Variants in CDKAL1 observed in about 807,000 individuals in gnomAD.
CDKAL1 encodes the protein CDKAL1 threonylcarbamoyladenosine tRNA methylthiotransferase.
CDKAL1 carries 32 observed loss-of-function variants against 68.2 expected under a neutral mutation model. That is an observed-to-expected ratio of 0.47 (90% confidence interval 0.35 to 0.63). The LOEUF (loss-of-function observed/expected upper bound fraction) is 0.63. Among genes scored for constraint, CDKAL1 ranks in the 30% least tolerant of loss-of-function variants. The pLI, the probability that CDKAL1 is intolerant of heterozygous loss-of-function variation, is 0.00. For missense variants in CDKAL1, 606 were observed against 696.7 expected, an observed-to-expected ratio of 0.87 and a Z score of 1.47; for synonymous variants, 234 against 244.3, an observed-to-expected ratio of 0.96 and a Z score of 0.39.
At chr6:20,799,415 A>G (rs1776273671) in intron 8 of CDKAL1, among the ~76,000 whole-genome samples, 1 of 152,248 alleles carries the variant, frequency 6.6e-6, no homozygotes, top group East Asian at 1.9e-4. Flanking sequence ...ACCCTCAGTA[A>G]TGAATGGAAT....
chr6:20,953,381 A>G (rs1581904203), intron 9 of CDKAL1, among the ~76,000 whole-genome samples: 1 of 152,238 alleles, frequency 6.6e-6, no homozygotes, highest in Non-Finnish European at 1.5e-5. Context: ...AAGGCATAAC[A>G]TGGAACCATT....
At chr6:20,632,804 T>A (rs1248886482) in intron 4 of CDKAL1, among the ~76,000 whole-genome samples, 2 of 152,248 alleles carry the variant, frequency 1.3e-5, no homozygotes, top group African/African-American at 4.8e-5. Context: ...GGACTATTTA[T>A]TTTTGAATCG....
At chr6:20,836,275 A>G (rs1160185257) in intron 8 of CDKAL1, among the ~76,000 whole-genome samples, 1 of 152,226 alleles carries the variant, frequency 6.6e-6, no homozygotes, top group East Asian at 1.9e-4. Flanking sequence ...AGTTCCAGCC[A>G]TCATATTACC....
At chr6:20,692,998 C>T (rs750266411) in intron 5 of CDKAL1, among the ~76,000 whole-genome samples, 2 of 151,776 alleles carry the variant, frequency 1.3e-5, no homozygotes, top group Non-Finnish European at 2.9e-5. Context: ...GGCATGGTGG[C>T]AGGTGCCAAT....
At position 20,539,461 on chromosome 6, in the gene CDKAL1, G is replaced by A. The variant is rs920410211; in HGVS notation, c.-6+4067G>A. On this transcript the variant is annotated intron_variant, in intron 2 of 15. Coordinates refer to ENST00000274695, the MANE Select transcript of CDKAL1 (RefSeq NM_017774.3). This position sits in a 1 kb window ranked among gnomAD's most constrained non-coding sequence, Gnocchi z 4.3. ...ATTAAATGCTACAGTTTAAAAAAAG[G>A]CAGGAAAGGGGCATAGGAAGAGGGT... 7.2e-5 allele frequency among the ~76,000 whole-genome samples: 11 copies of A among 152,102 alleles called. No individual in the cohort carries two copies. The highest frequency in any genetic ancestry group is 2.1e-4 in the South Asian group (1 of 4,826).
chr6:20,998,851 G>C (rs1017264580), intron 10 of CDKAL1, among the ~76,000 whole-genome samples: 23 of 152,192 alleles, frequency 1.5e-4, no homozygotes, highest in African/African-American at 4.6e-4. Flanking sequence ...TTAGTGAAAG[G>C]ATTATTTTAA....
At chr6:20,932,374 G>A (rs1030395697) in intron 9 of CDKAL1, among the ~76,000 whole-genome samples, 4 of 152,062 alleles carry the variant, frequency 2.6e-5, no homozygotes, top group African/African-American at 7.2e-5. Flanking sequence ...AATTAGAATC[G>A]TGTCCACCCA....
rs371109480 is a variant in CDKAL1 at position 20,622,716 on chromosome 6, C to T, written c.287-26577C>T. On this transcript the variant is annotated intron_variant, in intron 4 of 15. Transcript: ENST00000274695. ...TTACACTTGATCTTAGCCAAAAGGC[C>T]GAGAAGTGATATTCTGCTATCTTTT... Among the ~76,000 whole-genome samples the T allele has an allele frequency of 8.1e-5, 11 of 135,874 alleles. No homozygotes were observed. The East Asian group carries it at 1.2e-3, about 14-fold the overall frequency. The allele number at this position is 135,874 out of a possible 152,430, so 89.1% of individuals were successfully genotyped here.
rs181795819 is a variant in CDKAL1, at chr6:21,125,529, G to A, written c.1299+17066G>A. On this transcript the variant is annotated intron_variant, in intron 13 of 15. Coordinates refer to ENST00000274695, the MANE Select transcript of CDKAL1 (RefSeq NM_017774.3). ...CTCTACTAAAAATACAAAATTAGCC[G>A]GGCATGGTGGTGCTTGCCTGTAATC... Among the ~76,000 whole-genome samples, 690 of 152,118 alleles carry A rather than the reference G, an allele frequency of 4.5e-3. 5 individuals carry two copies. Among genetic ancestry groups the A allele is most frequent in the Middle Eastern group, 0.01 (3 of 294 alleles).
chr6:20,878,703 T>A (rs1760660750), intron 9 of CDKAL1, among the ~76,000 whole-genome samples: 1 of 151,878 alleles, frequency 6.6e-6, no homozygotes, highest in Admixed American at 6.6e-5. Context: ...GCCACTGCAC[T>A]CCAGCCTGGG....
intron 6 of CDKAL1, among the ~76,000 whole-genome samples, chr6:20,749,565 T>C (rs1034648156): frequency 7.2e-5 from 11 of 152,094 alleles, no homozygotes; most frequent in African/African-American, 2.7e-4. Context: ...TTTTTTTTTT[T>C]GAGATGGAGT....
chr6:20,727,588 G>A (rs1371755513), intron 5 of CDKAL1, among the ~76,000 whole-genome samples: 1 of 152,136 alleles, frequency 6.6e-6, no homozygotes, highest in Non-Finnish European at 1.5e-5. Flanking sequence ...GTCTTTTCAG[G>A]TGCCAAGAGT....
chr6:21,008,734 C>T (rs943851218), intron 11 of CDKAL1, among the ~76,000 whole-genome samples: 5 of 151,974 alleles, frequency 3.3e-5, no homozygotes, highest in Non-Finnish European at 5.9e-5. Context: ...AACTCTGCAC[C>T]GTATATATGG....
At chr6:20,684,824 G>T (rs1444690901) in intron 5 of CDKAL1, among the ~76,000 whole-genome samples, 1 of 152,106 alleles carries the variant, frequency 6.6e-6, no homozygotes, top group East Asian at 1.9e-4. Flanking sequence ...TCTTTGGAGA[G>T]GTGTCTGTCA....
At chr6:20,556,315 A>G (rs557271082) in intron 4 of CDKAL1, among the ~76,000 whole-genome samples, 1 of 152,134 alleles carries the variant, frequency 6.6e-6, no homozygotes, top group Non-Finnish European at 1.5e-5. Flanking sequence ...CAGTGAGCTG[A>G]GATTGTGGCA....
Position 20,891,417 on chromosome 6 carries a change from G to A in CDKAL1, c.742+45239G>A, listed in dbSNP as rs552187520. ...GAGTTAATAACACTCCCCCTGGAGT[G>A]CAGATCATGGGAGGTGAAAGTACCC... On this transcript the variant is annotated intron_variant, in intron 9 of 15. Transcript: ENST00000274695. Among the ~76,000 whole-genome samples the A allele has an allele frequency of 2.6e-5, 4 of 152,264 alleles. No homozygotes were observed. In the South Asian group the frequency reaches 8.3e-4, roughly 32 times the overall value.
intron 12 of CDKAL1, among the ~76,000 whole-genome samples, chr6:21,080,762 T>A (rs556338251): frequency 1.6e-4 from 24 of 152,354 alleles, no homozygotes; most frequent in African/African-American, 5.8e-4. Context: ...ACCAGATGTG[T>A]ACGGCACAAG....
chr6:20,810,544 C>G (rs955903477), intron 8 of CDKAL1, among the ~76,000 whole-genome samples: 2 of 150,670 alleles, frequency 1.3e-5, no homozygotes, highest in Non-Finnish European at 2.9e-5. Flanking sequence ...CTGCAGTGAG[C>G]TATGATCATT....
chr6:20,638,353 C>T (rs1205933832), intron 4 of CDKAL1, among the ~76,000 whole-genome samples: 1 of 151,626 alleles, frequency 6.6e-6, no homozygotes, highest in Non-Finnish European at 1.5e-5. Flanking sequence ...TTTTCATGAA[C>T]TCTCAGTTCA....
Sources: allele counts gnomAD v4.1 joint callset (sites outside exome capture counted in the v4.1 genomes callset), GRCh38; gene constraint gnomAD v4.1.1; non-coding constraint Gnocchi (gnomAD v3.1); transcripts MANE v1.5; gene names NCBI Gene and HGNC (gene_info 2026-07-23, HGNC 2026-07-21).